Variants in EML6 observed in about 807,000 individuals in gnomAD.
EML6 encodes EMAP like 6, also known as echinoderm microtubule-associated protein-like 6.
In EML6, 154 loss-of-function variants were observed where a neutral mutation model predicts 240.1. The ratio of observed to expected loss-of-function variants is 0.64; its 90% CI spans 0.56 to 0.73. The LOEUF (loss-of-function observed/expected upper bound fraction) is 0.73. Ranked by LOEUF, EML6 falls within the 30% of genes least tolerant of loss-of-function variation. EML6 has a pLI of 0.00. For synonymous variants in EML6, 1,148 were observed against 899.0 expected (o/e 1.28, Z -4.95); for missense variants, 2,964 against 2,474.6 (o/e 1.20, Z -4.20).
At chr2:54,958,058 G>C in intron 33 of EML6, 60 bp downstream of exon 33, 1 of 1,432,288 alleles carries the variant, frequency 7.0e-7, no homozygotes, top group Non-Finnish European at 9.4e-7. Context: ...ATGGGCATGG[G>C]CATGGGCAGG....
At chr2:54,812,153 G>C (rs1667879081) in intron 2 of EML6, among the ~76,000 whole-genome samples, 2 of 152,058 alleles carry the variant, frequency 1.3e-5, no homozygotes, top group Non-Finnish European at 2.9e-5. Flanking sequence ...AAGTACTCTA[G>C]ATTGACTATA....
chr2:54,797,173 A>AAAAAAAAAAAAAAAAC (rs1669845257), intron 2 of EML6, among the ~76,000 whole-genome samples: 1 of 139,876 alleles, frequency 7.1e-6, no homozygotes, highest in East Asian at 2.0e-4. Context: ...TCAAAAAAAA[A>AAAAAAAAAAAAAAAAC]AAAAAAAAAA....
intron 41 of EML6, 24 bp from the exon 42 acceptor site, chr2:54,970,047 T>C (rs1343785424): frequency 6.4e-7 from 1 of 1,551,556 alleles, no homozygotes; most frequent in Admixed American, 2.0e-5. Context: ...CTATGCAAAA[T>C]GACTGTTTGA....
intron 24 of EML6, among the ~76,000 whole-genome samples, chr2:54,908,120 C>T (rs1673445349): frequency 6.6e-6 from 1 of 152,024 alleles, no homozygotes; most frequent in Non-Finnish European, 1.5e-5. Flanking sequence ...TTAATTATTC[C>T]TTTCTAATAG....
At chr2:54,855,766 T>A (rs7596552) in intron 11 of EML6, among the ~76,000 whole-genome samples, 1 of 151,868 alleles carries the variant, frequency 6.6e-6, no homozygotes, top group South Asian at 2.1e-4. Flanking sequence ...ATCTTGTAAT[T>A]TGCCTCTGAG....
intron 2 of EML6, among the ~76,000 whole-genome samples, chr2:54,807,057 A>G (rs1670535664): frequency 6.6e-6 from 1 of 152,228 alleles, no homozygotes; most frequent in Non-Finnish European, 1.5e-5. Flanking sequence ...ATAAAGTGTC[A>G]TACTTTTTAT....
At chr2:54,792,247 A>G (rs553042038) in intron 2 of EML6, among the ~76,000 whole-genome samples, 1 of 152,300 alleles carries the variant, frequency 6.6e-6, no homozygotes, top group East Asian at 1.9e-4. Context: ...GGGTCTCGAT[A>G]TATTTTGTCC....
chr2:54,939,568 G>A (rs575432574), intron 28 of EML6, among the ~76,000 whole-genome samples: 11 of 152,282 alleles, frequency 7.2e-5, no homozygotes, highest in Non-Finnish European at 1.2e-4. Flanking sequence ...GCAGCTGTCA[G>A]CATTCCATCA....
chr2:54,936,086 A>G (rs1450885615), intron 28 of EML6, among the ~76,000 whole-genome samples: 1 of 152,222 alleles, frequency 6.6e-6, no homozygotes, highest in African/African-American at 2.4e-5. Context: ...AGAGGTTTTC[A>G]TTATCACATT....
At chr2:54,861,198 G>A (rs190803344) in intron 12 of EML6, among the ~76,000 whole-genome samples, 8 of 152,258 alleles carry the variant, frequency 5.3e-5, no homozygotes, top group Non-Finnish European at 8.8e-5. Flanking sequence ...GCTCTGGCTC[G>A]CCCCAGTGAT....
intron 11 of EML6, 91 bp from the exon 12 acceptor site, chr2:54,859,443 T>C: frequency 1.0e-6 from 1 of 975,064 alleles, no homozygotes; most frequent in Admixed American, 2.9e-5. Flanking sequence ...TTTAAAGATT[T>C]TACTCTTCAA....
intron 7 of EML6, among the ~76,000 whole-genome samples, chr2:54,835,049 CT>C (rs1196465283): frequency 6.6e-6 from 1 of 152,042 alleles, no homozygotes; most frequent in Non-Finnish European, 1.5e-5. Flanking sequence ...CCCCTCGCTG[CT>C]TCTCCCTCTG....
chr2:54,847,580 G>C lies in EML6; in HGVS notation c.1144G>C (p.Ala382Pro). The change falls in exon 9 of 42, where the codon GCC becomes CCC. Residue 382 changes from alanine (A) to proline (P), a missense_variant. Coordinates refer to ENST00000356458, the MANE Select transcript of EML6 (RefSeq NM_001039753.4). ...VAFSPDGSQL[A>P]LGMKDGSFIV... ...TTTCAGCCCCGACGGATCTCAGCTG[G>C]CCCTGGGCATGAAGGACGGCTCTTT... is the stretch of plus-strand genomic sequence containing the variant. 1 of 1,552,342 alleles carries C rather than the reference G, an allele frequency of 6.4e-7. No individual in the cohort carries two copies. Among genetic ancestry groups the C allele is most frequent in the South Asian group, 1.2e-5 (1 of 84,062 alleles).
intron 28 of EML6, among the ~76,000 whole-genome samples, chr2:54,945,271 C>T (rs1335426775): frequency 3.2e-4 from 6 of 18,782 alleles, no homozygotes; most frequent in African/African-American, 1.2e-3. Context: ...CCTTCTCTCT[C>T]CCCTCTCTCT....
chr2:54,841,447 A>G (rs946316281), intron 7 of EML6, among the ~76,000 whole-genome samples: 3 of 152,182 alleles, frequency 2.0e-5, no homozygotes, highest in African/African-American at 7.2e-5. Context: ...CTTTCTCTTA[A>G]TAAATGCATT....
intron 6 of EML6, among the ~76,000 whole-genome samples, chr2:54,828,120 G>A (rs1015746894): frequency 4.6e-5 from 7 of 152,278 alleles, no homozygotes; most frequent in African/African-American, 4.8e-5. Context: ...CGATGAAGTC[G>A]CCACAGCTCA....
intron 16 of EML6, among the ~76,000 whole-genome samples, chr2:54,878,549 G>A (rs941404296): frequency 6.6e-6 from 1 of 152,160 alleles, no homozygotes; most frequent in African/African-American, 2.4e-5. Context: ...GTTTTTATTT[G>A]AAATTTAATT....
intron 13 of EML6, 49 bp downstream of exon 13, chr2:54,863,938 C>T: frequency 9.8e-7 from 1 of 1,017,536 alleles, no homozygotes; most frequent in Non-Finnish European, 1.5e-6. Context: ...AAGGGGATCT[C>T]ATTCCTGGAT....
chr2:54,964,742 G>A lies in EML6; in HGVS notation c.5493+9G>A. 1 of 1,551,600 alleles carries A rather than the reference G, an allele frequency of 6.4e-7. No individual in the cohort carries two copies. Among genetic ancestry groups the A allele is most frequent in the Non-Finnish European group, 8.7e-7 (1 of 1,146,892 alleles). On this transcript the variant is annotated intron_variant, in intron 38 of 41. Coordinates refer to ENST00000356458, the MANE Select transcript of EML6 (RefSeq NM_001039753.4). ...ATGGCAAATACATTCAGGTATGCTT[G>A]GGGTTTACTTATATCTGGGGCAACC...
Sources: allele counts gnomAD v4.1 joint callset (sites outside exome capture counted in the v4.1 genomes callset), GRCh38; gene constraint gnomAD v4.1.1; transcripts MANE v1.5; gene names NCBI Gene and HGNC (gene_info 2026-07-23, HGNC 2026-07-21).